CEP43: variants seen among roughly 807,000 people sequenced by gnomAD.
CEP43 encodes the protein FGFR1 oncogene partner.
Under a neutral mutation model 52.6 loss-of-function variants are expected in CEP43, and 36 were observed. The ratio of observed to expected loss-of-function variants is 0.68; its 90% CI spans 0.52 to 0.90. CEP43 has a LOEUF of 0.90. Among genes scored for constraint, CEP43 ranks in the 40% least tolerant of loss-of-function variants. CEP43 has a pLI of 0.00. For synonymous variants in CEP43, 192 were observed against 172.4 expected (o/e 1.11, Z -0.89); for missense variants, 506 against 472.8 (o/e 1.07, Z -0.65).
intron 7 of CEP43, among the ~76,000 whole-genome samples, chr6:167,019,970 T>C (rs1780188353): frequency 6.6e-6 from 1 of 152,264 alleles, no homozygotes; most frequent in South Asian, 2.1e-4. Flanking sequence ...AGAGAATCTG[T>C]CGTGGCCACA....
chr6:167,026,175 C>T (rs1362934339), intron 9 of CEP43, among the ~76,000 whole-genome samples: 8 of 152,258 alleles, frequency 5.3e-5, no homozygotes, highest in African/African-American at 1.9e-4. Context: ...CCAGCCTATC[C>T]AACATAGGGA....
At chr6:167,020,534 G>T (rs1780202340) in intron 7 of CEP43, among the ~76,000 whole-genome samples, 1 of 152,146 alleles carries the variant, frequency 6.6e-6, no homozygotes, top group African/African-American at 2.4e-5. Context: ...TCCCTTCCTA[G>T]ATATAATTTG....
chr6:167,047,169 A>T lies in CEP43; in HGVS notation c.*7191A>T, dbSNP rs749100379. Reference sequence around the variant, plus strand: ...TGCGAAATTTGAACATTGGGACCTGAAAAACTGATGGGCTGATGGGGTCTG... The same window carrying T: ...TGCGAAATTTGAACATTGGGACCTGTAAAACTGATGGGCTGATGGGGTCTG... On this transcript the variant is annotated 3_prime_UTR_variant, in exon 13 of 13. Transcript: ENST00000366847. The T allele has an allele frequency of 2.0e-5, 3 of 152,348 alleles. No homozygotes were observed. Among genetic ancestry groups the T allele is most frequent in the Non-Finnish European group, 4.4e-5 (3 of 68,172 alleles). 9.4% of individuals were successfully genotyped at this position (152,348 alleles called of 1,614,324 possible). A position where few individuals can be genotyped will look rare whatever the true frequency, so the allele number is the denominator to read the frequency against.
Position 167,037,891 on chromosome 6 carries a change from T to TA in CEP43, c.1126-2012dup, listed in dbSNP as rs528422466. ...TGCCATTGCATGGAGAAGACAGCCA[T>TA]AGACGATGCCTAAGAGTGTGTGTGT... On this transcript the variant is annotated intron_variant, in intron 12 of 12. Coordinates refer to ENST00000366847, the MANE Select transcript of CEP43 (RefSeq NM_007045.4). Among the ~76,000 whole-genome samples the TA allele has an allele frequency of 5.9e-5, 9 of 152,316 alleles. No individual in the cohort carries two copies. In the South Asian group the frequency reaches 1.9e-3, roughly 32 times the overall value.
chr6:167,023,700 G>A (rs561542644), intron 8 of CEP43, among the ~76,000 whole-genome samples: 39 of 152,310 alleles, frequency 2.6e-4, no homozygotes, highest in Middle Eastern at 3.4e-3. Flanking sequence ...GCCAGAGCAG[G>A]GAGCTAGAAG....
At chr6:167,034,686 G>A (rs1262604136) in intron 12 of CEP43, among the ~76,000 whole-genome samples, 2 of 152,144 alleles carry the variant, frequency 1.3e-5, no homozygotes, top group Admixed American at 6.5e-5. Flanking sequence ...GAGAGGTAGC[G>A]TTTACAATGC....
intron 7 of CEP43, among the ~76,000 whole-genome samples, chr6:167,021,413 T>C (rs1473917742): frequency 6.6e-6 from 1 of 152,244 alleles, no homozygotes; most frequent in East Asian, 1.9e-4. Flanking sequence ...GAAAGCCATC[T>C]CCAGATCCTA....
chr6:167,028,011 C>G, intron 10 of CEP43: 1 of 985,778 alleles, frequency 1.0e-6, no homozygotes, highest in Non-Finnish European at 1.2e-6. Context: ...TGCCTCCTTT[C>G]CCTCCCTTGT....
In CEP43 at chr6:167,052,346, G is replaced by C. The variant is rs916431368; in HGVS notation, c.*12368G>C. ...CCTGAGACTGGAAGTGAGGGAAATA[G>C]GGCGTGCAGGAAGGAAGGAAGAGGA... On this transcript the variant is annotated 3_prime_UTR_variant, in exon 13 of 13. Coordinates refer to ENST00000366847, the MANE Select transcript of CEP43 (RefSeq NM_007045.4). 6.6e-6 allele frequency: 1 copy of C among 152,256 alleles called. No individual in the cohort carries two copies. The highest frequency in any genetic ancestry group is 1.5e-5 in the Non-Finnish European group (1 of 68,022). 9.4% of individuals were successfully genotyped at this position (152,256 alleles called of 1,614,324 possible). A position where few individuals can be genotyped will look rare whatever the true frequency, so the allele number is the denominator to read the frequency against.
chr6:167,017,212 G>A (rs1780122098), intron 7 of CEP43, among the ~76,000 whole-genome samples: 1 of 151,904 alleles, frequency 6.6e-6, no homozygotes, highest in Non-Finnish European at 1.5e-5. Context: ...AGCTAGGATG[G>A]TCTTGATCTC....
intron 10 of CEP43, 54 bp from the exon 11 acceptor site, chr6:167,032,549 T>A: frequency 6.8e-7 from 1 of 1,465,538 alleles, no homozygotes; most frequent in Non-Finnish European, 9.2e-7. Context: ...TGTTTAATGG[T>A]AGGTAAATTG....
Position 167,040,808 on chromosome 6 carries a change from TAAAATCCA to T in CEP43, c.*833_*840del, listed in dbSNP as rs1376832136. 2 of 1,020,218 alleles carry T rather than the reference TAAAATCCA, an allele frequency of 2.0e-6. No individual in the cohort carries two copies. The highest frequency in any genetic ancestry group is 1.3e-4 in the East Asian group (2 of 15,312). The allele number at this position is 1,020,218 out of a possible 1,614,324, so 63.2% of individuals were successfully genotyped here. Reference sequence around the variant, plus strand: ...TTTCAGATCTGTAAGTTAATTGTATTAAAATCCAAATTGGAATGAAATAGTAGTAATGG... The same window carrying T: ...TTTCAGATCTGTAAGTTAATTGTATTAATTGGAATGAAATAGTAGTAATGG... On this transcript the variant is annotated 3_prime_UTR_variant, in exon 13 of 13. Coordinates refer to ENST00000366847, the MANE Select transcript of CEP43 (RefSeq NM_007045.4).
intron 7 of CEP43, among the ~76,000 whole-genome samples, chr6:167,013,887 C>T (rs559896628): frequency 1.3e-5 from 2 of 152,172 alleles, no homozygotes; most frequent in African/African-American, 2.4e-5. Flanking sequence ...GCAGGAGAAT[C>T]GCTTTAACCC....
chr6:167,024,885 G>A lies in CEP43; in HGVS notation c.910G>A (p.Asp304Asn), dbSNP rs367630074. The A allele has an allele frequency of 5.7e-6, 9 of 1,586,642 alleles. No homozygotes were observed. In the African/African-American group the frequency reaches 1.1e-4, roughly 19 times the overall value. Reference sequence around the variant, plus strand: ...CCTGGCGGGAGCCCCTTCTTTAAAAGACTCTGAGAGTAAGTGCCCAAAGAT... The same window carrying A: ...CCTGGCGGGAGCCCCTTCTTTAAAAAACTCTGAGAGTAAGTGCCCAAAGAT... ...SSLAGAPSLK[D>N]SESKRGNTVL... The change falls in exon 9 of 13, where the codon GAC becomes AAC. Residue 304 changes from aspartate (D) to asparagine (N), a missense_variant. Transcript: ENST00000366847.
At chr6:167,004,219 C>T (rs763557841) in intron 4 of CEP43, 45 bp from the exon 5 acceptor site, 3 of 1,565,354 alleles carry the variant, frequency 1.9e-6, no homozygotes, top group African/African-American at 2.8e-5. Flanking sequence ...TTGAGAATAA[C>T]TTCTGCTATT....
chr6:167,006,770 G>A (rs763550666), intron 5 of CEP43, among the ~76,000 whole-genome samples: 1 of 152,132 alleles, frequency 6.6e-6, no homozygotes, highest in Non-Finnish European at 1.5e-5. Flanking sequence ...TCTTGTTATT[G>A]TATGGATGAC....
At chr6:167,032,723 A>G (rs1057144309) in intron 11 of CEP43, 81 bp downstream of exon 11, 1 of 1,250,350 alleles carries the variant, frequency 8.0e-7, no homozygotes, top group Non-Finnish European at 1.1e-6. Flanking sequence ...ACAAAATTAC[A>G]TTTGGTGCTT....
rs984707626 is a variant in CEP43, at chr6:167,044,597, G to T, written c.*4619G>T. 3.1e-6 allele frequency: 3 copies of T among 954,640 alleles called. No homozygotes were observed. The East Asian group carries it at 3.5e-4, about 110-fold the overall frequency. 59.1% of individuals were successfully genotyped at this position (954,640 alleles called of 1,614,324 possible). A position where few individuals can be genotyped will look rare whatever the true frequency, so the allele number is the denominator to read the frequency against. Reference sequence around the variant, plus strand: ...CTGAGGTAGGAGGGACAGCGTTTTTGAATGTGAAATTTATTCCCTGATACA... The same window carrying T: ...CTGAGGTAGGAGGGACAGCGTTTTTTAATGTGAAATTTATTCCCTGATACA... On this transcript the variant is annotated 3_prime_UTR_variant, in exon 13 of 13. Transcript: ENST00000366847.
chr6:167,013,889 C>T (rs1780036956), intron 7 of CEP43, among the ~76,000 whole-genome samples: 1 of 152,214 alleles, frequency 6.6e-6, no homozygotes, highest in Non-Finnish European at 1.5e-5. Flanking sequence ...AGGAGAATCG[C>T]TTTAACCCGG....
Sources: allele counts gnomAD v4.1 joint callset (sites outside exome capture counted in the v4.1 genomes callset), GRCh38; gene constraint gnomAD v4.1.1; transcripts MANE v1.5; gene names NCBI Gene and HGNC (gene_info 2026-07-23, HGNC 2026-07-21).